RBFOX3: variants seen among roughly 807,000 people sequenced by gnomAD.
RBFOX3 encodes the protein RNA binding fox-1 homolog 3.
In RBFOX3, 17 loss-of-function variants were observed where a neutral mutation model predicts 48.7. The ratio of observed to expected loss-of-function variants is 0.35; its 90% confidence interval spans 0.24 to 0.52. The LOEUF is 0.52. Ranked by LOEUF, RBFOX3 falls within the 20% of genes least tolerant of loss-of-function variation. The pLI is 0.94. For synonymous variants in RBFOX3, 212 were observed against 209.5 expected (o/e 1.01, Z -0.10); for missense variants, 382 against 497.5 (o/e 0.77, Z 2.21).
intron 2 of RBFOX3, among the ~76,000 whole-genome samples, chr17:79,445,176 C>T (rs2071983610): frequency 6.6e-6 from 1 of 152,224 alleles, no homozygotes; most frequent in African/African-American, 2.4e-5. Context: ...GTTGCTTCCA[C>T]ATTTTGGCTA....
chr17:79,632,704 G>C, the RBFOX3 span, among the ~76,000 whole-genome samples: 1 of 145,704 alleles, frequency 6.9e-6, no homozygotes, highest in South Asian at 2.2e-4. Flanking sequence ...AGGAGTCTGA[G>C]ACCAGCCTGG....
intron 4 of RBFOX3, among the ~76,000 whole-genome samples, chr17:79,223,986 A>G (rs966043640): frequency 6.6e-6 from 1 of 152,204 alleles, no homozygotes; most frequent in Non-Finnish European, 1.5e-5. Flanking sequence ...GCAGAAGGGA[A>G]GATGGCAAGC....
chr17:79,588,830 T>A (rs1276483225), intron 1 of RBFOX3, among the ~76,000 whole-genome samples: 1 of 147,328 alleles, frequency 6.8e-6, no homozygotes, highest in African/African-American at 2.6e-5. Flanking sequence ...CTGGGCAATA[T>A]AGCGAGATCC....
chr17:79,639,701 T>C, the RBFOX3 span, among the ~76,000 whole-genome samples: 1 of 152,292 alleles, frequency 6.6e-6, no homozygotes, highest in African/African-American at 2.4e-5. Flanking sequence ...CATAAATCAA[T>C]GTTATATACT....
intron 1 of RBFOX3, among the ~76,000 whole-genome samples, chr17:79,496,634 C>T (rs1210754486): frequency 6.6e-6 from 1 of 152,108 alleles, no homozygotes; most frequent in African/African-American, 2.4e-5. Context: ...AGGAGGCAAA[C>T]AGGGACAGAC....
intron 1 of RBFOX3, among the ~76,000 whole-genome samples, chr17:79,507,424 C>G (rs2083330123): frequency 6.6e-6 from 1 of 152,136 alleles, no homozygotes. Context: ...CACAATGGGG[C>G]TCCTGCTTGG....
At chr17:79,470,232 C>A (rs1220579632) in intron 2 of RBFOX3, among the ~76,000 whole-genome samples, 2 of 150,628 alleles carry the variant, frequency 1.3e-5, no homozygotes, top group African/African-American at 4.8e-5. Context: ...ACTGGAGACA[C>A]CACCGCAGCC....
At chr17:79,631,482 T>A in the RBFOX3 span, among the ~76,000 whole-genome samples, 4 of 152,126 alleles carry the variant, frequency 2.6e-5, no homozygotes, top group African/African-American at 4.8e-5. Flanking sequence ...TTTCAGGGAC[T>A]AGGTCCTCCC....
chr17:79,323,901 G>A (rs555066129), intron 2 of RBFOX3, among the ~76,000 whole-genome samples: 6 of 152,358 alleles, frequency 3.9e-5, no homozygotes, highest in African/African-American at 1.2e-4. Flanking sequence ...GAGGCATGAT[G>A]AGAACTCAGG....
chr17:79,391,026 G>A lies in RBFOX3; in HGVS notation c.-174-83202C>T, dbSNP rs1052405716. On this transcript the variant is annotated intron_variant, in intron 2 of 14. Transcript: ENST00000693108. The surrounding 1 kb of genome is among the most constrained non-coding windows in gnomAD (Gnocchi z 5.0). Reference sequence around the variant, plus strand: ...AGATCCTTCCCTGGAAGGCTTTCTCGCTGTCTCTTCAAAGTCTCTCTTCTA... The same window carrying A: ...AGATCCTTCCCTGGAAGGCTTTCTCACTGTCTCTTCAAAGTCTCTCTTCTA... Among the ~76,000 whole-genome samples, 5 of 152,100 alleles carry A rather than the reference G, an allele frequency of 3.3e-5. No individual in the cohort carries two copies. The highest frequency in any genetic ancestry group is 7.4e-5 in the Non-Finnish European group (5 of 68,026).
At chr17:79,512,040 G>T (rs1370412678) in intron 1 of RBFOX3, among the ~76,000 whole-genome samples, 4 of 132,918 alleles carry the variant, frequency 3.0e-5, no homozygotes, top group Non-Finnish European at 4.8e-5. Context: ...TGTTACCATC[G>T]AGTACAGTCC....
chr17:79,517,863 G>A (rs2085478648), intron 1 of RBFOX3, among the ~76,000 whole-genome samples: 1 of 152,166 alleles, frequency 6.6e-6, no homozygotes, highest in Non-Finnish European at 1.5e-5. Context: ...GCCTGTTCCT[G>A]ACTCAACACC....
At chr17:79,649,679 C>G in the RBFOX3 span, among the ~76,000 whole-genome samples, 1 of 151,962 alleles carries the variant, frequency 6.6e-6, no homozygotes, top group South Asian at 2.1e-4. Flanking sequence ...GCACTTCAGC[C>G]GACAGAGCAA....
At chr17:79,179,846 T>G (rs1236331918) in intron 4 of RBFOX3, among the ~76,000 whole-genome samples, 1 of 152,172 alleles carries the variant, frequency 6.6e-6, no homozygotes, top group East Asian at 1.9e-4. Flanking sequence ...CTGGCCATCA[T>G]GCACCAGCAA....
chr17:79,493,849 C>T (rs2081051819), intron 1 of RBFOX3, among the ~76,000 whole-genome samples: 1 of 152,164 alleles, frequency 6.6e-6, no homozygotes, highest in Admixed American at 6.5e-5. Flanking sequence ...CACTTCCCTC[C>T]CCAAGTCACA....
chr17:79,170,207 C>CCTTGG (rs1212655844), intron 4 of RBFOX3, among the ~76,000 whole-genome samples: 1 of 135,628 alleles, frequency 7.4e-6, no homozygotes, highest in African/African-American at 3.3e-5. Context: ...GAAGAGGCTG[C>CCTTGG]CTTGGCTGCA....
chr17:79,624,647 C>T, the RBFOX3 span, among the ~76,000 whole-genome samples: 65 of 152,264 alleles, frequency 4.3e-4, 2 homozygotes, highest in South Asian at 0.012. Context: ...AGGATTTTCT[C>T]GGGACCTGCT....
Position 79,471,886 on chromosome 17 carries a change from C to A in RBFOX3, c.-175+10568G>T, listed in dbSNP as rs1555757235. Among the ~76,000 whole-genome samples, 1 of 152,228 alleles carries A rather than the reference C, an allele frequency of 6.6e-6. No individual in the cohort carries two copies. Among genetic ancestry groups the A allele is most frequent in the Non-Finnish European group, 1.5e-5 (1 of 68,044 alleles). Reference sequence around the variant, plus strand: ...AACACTTCAAGAGAGGCGACTAAATCTCCACCAAGCACATTATATCAAATA... The same window carrying A: ...AACACTTCAAGAGAGGCGACTAAATATCCACCAAGCACATTATATCAAATA... On this transcript the variant is annotated intron_variant, in intron 2 of 14. Transcript: ENST00000693108. This position sits in a 1 kb window ranked among gnomAD's most constrained non-coding sequence, Gnocchi z 4.0.
the RBFOX3 span, among the ~76,000 whole-genome samples, chr17:79,634,278 C>T: frequency 1.2e-4 from 18 of 152,344 alleles, no homozygotes; most frequent in Admixed American, 1.0e-3. Flanking sequence ...ACCGCCAGAG[C>T]CACTGGTGAG....
Sources: allele counts gnomAD v4.1 joint callset (sites outside exome capture counted in the v4.1 genomes callset), GRCh38; gene constraint gnomAD v4.1.1; non-coding constraint Gnocchi (gnomAD v3.1); transcripts MANE v1.5; gene names NCBI Gene and HGNC (gene_info 2026-07-23, HGNC 2026-07-21).